The following PCDH15 variants were observed in gnomAD, a reference collection of about 807,000 sequenced individuals.
The protein encoded by PCDH15 is protocadherin related 15, also known as protocadherin-15.
A neutral mutation model predicts 178.5 loss-of-function variants in PCDH15; 129 were observed. The ratio of observed to expected loss-of-function variants is 0.72; its 90% CI spans 0.63 to 0.84. The LOEUF (loss-of-function observed/expected upper bound fraction) is 0.84. PCDH15 is among the 40% of genes least tolerant of loss of function. The probability of loss-of-function intolerance (pLI) is 0.00; values close to 1 mark genes in which losing one functional copy is unlikely to be tolerated. For synonymous variants in PCDH15, 800 were observed against 732.0 expected, an observed-to-expected ratio of 1.09 and a Z score of -1.50; for missense variants, 2,230 against 2,099.9, an observed-to-expected ratio of 1.06 and a Z score of -1.21.
At chr10:54,026,841 T>C (rs1275351869) in intron 18 of PCDH15, among the ~76,000 whole-genome samples, 2 of 152,080 alleles carry the variant, frequency 1.3e-5, no homozygotes, top group Non-Finnish European at 2.9e-5. Flanking sequence ...TCATACTGAA[T>C]GGGCAAAAAC....
intron 3 of PCDH15, among the ~76,000 whole-genome samples, chr10:54,416,365 A>T (rs1289984252): frequency 6.6e-6 from 1 of 151,974 alleles, no homozygotes; most frequent in African/African-American, 2.4e-5. Flanking sequence ...TATGAGTGAG[A>T]ACATGCAGTG....
chr10:54,716,017 C>A (rs1412168804), intron 1 of PCDH15, among the ~76,000 whole-genome samples: 1 of 152,138 alleles, frequency 6.6e-6, no homozygotes, highest in Non-Finnish European at 1.5e-5. Context: ...TCACTCTTCC[C>A]ATGCAGAGAA....
At chr10:55,492,408 G>T (rs1339449902) in intron 2 of PCDH15, among the ~76,000 whole-genome samples, 4 of 151,690 alleles carry the variant, frequency 2.6e-5, no homozygotes, top group African/African-American at 9.7e-5. Context: ...CCCTTGGAAT[G>T]ATGCAAGCAT....
chr10:54,698,871 T>C (rs2095269991), intron 1 of PCDH15, among the ~76,000 whole-genome samples: 1 of 152,168 alleles, frequency 6.6e-6, no homozygotes, highest in Admixed American at 6.6e-5. Context: ...GTGTCATTTG[T>C]GTAAAAGTTT....
At chr10:54,434,178 A>T (rs2136042351) in intron 3 of PCDH15, among the ~76,000 whole-genome samples, 2 of 152,378 alleles carry the variant, frequency 1.3e-5, no homozygotes, top group East Asian at 3.9e-4. Context: ...ATGTTATTAC[A>T]AAAGAGTCAA....
chr10:53,916,404 T>C (rs558644236), intron 25 of PCDH15, among the ~76,000 whole-genome samples: 237 of 151,112 alleles, frequency 1.6e-3, no homozygotes, highest in African/African-American at 5.6e-3. Flanking sequence ...ATCACCAAAA[T>C]AGGAGTTAAG....
chr10:54,574,662 G>A (rs1214056479), intron 2 of PCDH15, among the ~76,000 whole-genome samples: 98 of 148,420 alleles, frequency 6.6e-4, no homozygotes, highest in African/African-American at 2.2e-3. Flanking sequence ...AGGTGCTGGA[G>A]AGGATGTGGA....
chr10:55,485,260 T>A (rs1953304), intron 2 of PCDH15, among the ~76,000 whole-genome samples: 110,530 of 151,504 alleles, frequency 0.73, 40,945 homozygotes, highest in East Asian at 0.99. Flanking sequence ...AGATATGCAA[T>A]TAGCCAATAA....
At position 54,731,553 on chromosome 10, in the gene PCDH15, T is replaced by TATATATATATATATATATATAG. The variant is rs1566067279; in HGVS notation, c.-28-67264_-28-67263insCTATATATATATATATATATAT. Among the ~76,000 whole-genome samples, 61 of 40,356 alleles carry TATATATATATATATATATATAG rather than the reference T, an allele frequency of 1.5e-3. 3 individuals carry two copies. The highest frequency in any genetic ancestry group is 4.0e-3 in the African/African-American group (57 of 14,232). The allele number at this position is 40,356 out of a possible 152,430, so 26.5% of individuals were successfully genotyped here. On this transcript the variant is annotated intron_variant, in intron 1 of 37. Transcript: ENST00000644397. ...AAAGAAAATGTGAGATAGATATATATATATATATATACACACACACACACA... is the reference window on the plus strand; with the variant it reads ...AAAGAAAATGTGAGATAGATATATATATATATATATATATATATATAGATATATATATACACACACACACACA...
At chr10:54,433,599 T>G (rs367686473) in intron 3 of PCDH15, among the ~76,000 whole-genome samples, 1 of 151,984 alleles carries the variant, frequency 6.6e-6, no homozygotes, top group Non-Finnish European at 1.5e-5. Flanking sequence ...TAAAAATTAG[T>G]AAGAAAGAAG....
At chr10:55,013,306 C>A (rs919341919) in intron 2 of PCDH15, among the ~76,000 whole-genome samples, 3 of 152,114 alleles carry the variant, frequency 2.0e-5, no homozygotes, top group Non-Finnish European at 2.9e-5. Flanking sequence ...CTGAAAAAAT[C>A]TTTTGAAAAT....
rs192995173 is a variant in PCDH15, at chr10:54,771,789, C to T, written c.-29+29136G>A. Among the ~76,000 whole-genome samples, 143 of 152,130 alleles carry T rather than the reference C, an allele frequency of 9.4e-4. No individual in the cohort carries two copies. In the East Asian group the frequency reaches 9.7e-3, roughly 10 times the overall value. On this transcript the variant is annotated intron_variant, in intron 1 of 37. Transcript: ENST00000644397. ...GAGGTTTGATTTATATTCACACTTC[C>T]GTCTTAAAATTTTCAAAAGACATCT... is the stretch of plus-strand genomic sequence containing the variant.
intron 2 of PCDH15, among the ~76,000 whole-genome samples, chr10:55,396,306 C>A (rs1202562351): frequency 5.9e-5 from 9 of 152,064 alleles, no homozygotes; most frequent in Admixed American, 6.6e-5. Flanking sequence ...TCTAGGAAAA[C>A]AAAACAAAGA....
In PCDH15 at chr10:54,223,050, G is replaced by A. The variant is rs1264596504; in HGVS notation, c.986-9002C>T. Among the ~76,000 whole-genome samples the A allele has an allele frequency of 4.6e-5, 7 of 152,090 alleles. No individual in the cohort carries two copies. In the East Asian group the frequency reaches 1.2e-3, roughly 25 times the overall value. On this transcript the variant is annotated intron_variant, in intron 9 of 37. Coordinates refer to ENST00000644397, the MANE Select transcript of PCDH15 (RefSeq NM_001384140.1). ...TTGCCAGCCGGGCACAGTGGCTCAC[G>A]CCTGTTATCCCAGCACTTTCGAAGG...
At chr10:55,225,164 A>G (rs1247103673) in intron 1 of PCDH15, among the ~76,000 whole-genome samples, 1 of 152,004 alleles carries the variant, frequency 6.6e-6, no homozygotes, top group Admixed American at 6.6e-5. Context: ...CACTTAGACC[A>G]GGAAATAACA....
intron 2 of PCDH15, among the ~76,000 whole-genome samples, chr10:55,547,651 T>C (rs1276707990): frequency 6.6e-6 from 1 of 152,100 alleles, no homozygotes; most frequent in African/African-American, 2.4e-5. Flanking sequence ...ATAAGTAGCC[T>C]AATTTTCCTC....
intron 2 of PCDH15, among the ~76,000 whole-genome samples, chr10:55,584,386 C>T (rs993358713): frequency 7.3e-5 from 11 of 151,202 alleles, no homozygotes; most frequent in African/African-American, 1.9e-4. Flanking sequence ...AGGCCAGGCA[C>T]GGTGGCTTAA....
intron 8 of PCDH15, among the ~76,000 whole-genome samples, chr10:54,296,727 G>T (rs1051698031): frequency 2.0e-5 from 3 of 152,044 alleles, no homozygotes; most frequent in African/African-American, 4.8e-5. Flanking sequence ...CCTAACAAAG[G>T]CTATTCCTGA....
intron 2 of PCDH15, among the ~76,000 whole-genome samples, chr10:55,408,686 T>C (rs1314614412): frequency 7.9e-5 from 12 of 152,142 alleles, no homozygotes; most frequent in Admixed American, 7.9e-4. Flanking sequence ...TGGACACATA[T>C]GCTACTCTAC....
Sources: gnomAD v4.1 joint callset for allele counts (sites outside exome capture counted in the v4.1 genomes callset) on GRCh38, gnomAD v4.1.1 for gene constraint, MANE v1.5 for transcripts, NCBI Gene and HGNC (gene_info 2026-07-23, HGNC 2026-07-21) for gene names.